SEC16B: variants seen among roughly 807,000 people sequenced by gnomAD.
SEC16B encodes protein transport protein Sec16B.
In SEC16B, 115 loss-of-function variants were observed where a neutral mutation model predicts 141.8. The ratio of observed to expected loss-of-function variants is 0.81; its 90% CI spans 0.70 to 0.95. The LOEUF is 0.95. Ranked by LOEUF, SEC16B falls within the 40% of genes least tolerant of loss-of-function variation. The probability of loss-of-function intolerance (pLI) is 0.00; values close to 1 mark genes in which losing one functional copy is unlikely to be tolerated. For synonymous variants in SEC16B, 493 were observed against 492.5 expected (o/e 1.00, Z -0.01); for missense variants, 1,291 against 1,312.3 (o/e 0.98, Z 0.25).
At chr1:177,959,677 A>C (rs1354721079) in intron 8 of SEC16B, 1 of 154,504 alleles carries the variant, frequency 6.5e-6, no homozygotes, top group Non-Finnish European at 1.4e-5. Flanking sequence ...AGCCTCGGGT[A>C]GGGAGAGCAG....
At chr1:177,969,352 G>C (rs963102319) in intron 1 of SEC16B, among the ~76,000 whole-genome samples, 1 of 152,100 alleles carries the variant, frequency 6.6e-6, no homozygotes, top group African/African-American at 2.4e-5. Flanking sequence ...CCACCTCAAG[G>C]TCACTCACAA....
intron 12 of SEC16B, among the ~76,000 whole-genome samples, chr1:177,949,991 A>C (rs1652044636): frequency 6.6e-6 from 1 of 151,998 alleles, no homozygotes; most frequent in Non-Finnish European, 1.5e-5. Context: ...CATTTCCTGC[A>C]TTTAGTACTT....
At position 177,967,942 on chromosome 1, in the gene SEC16B, C is replaced by T. The variant is rs770140333; in HGVS notation, c.40G>A (p.Gly14Arg). ...WAPQRLPQTR[G>R]KATAPSKDPD... is the part of the protein sequence containing the mutation. ...TCCTTTGAGGGTGCTGTGGCCTTCC[C>T]TCGTGTCTGGGGCAGCCTCTGGGGA... The change falls in exon 2 of 26, where the codon GGG becomes AGG. Residue 14 changes from glycine (G) to arginine (R), a missense_variant. Gly to Arg is a moderately radical substitution (Grantham distance 125). Coordinates refer to ENST00000308284, the MANE Select transcript of SEC16B (RefSeq NM_033127.4). 6.2e-6 allele frequency: 10 copies of T among 1,613,050 alleles called. No homozygotes were observed. In the South Asian group the frequency reaches 9.9e-5, roughly 16 times the overall value.
chr1:177,933,318 A>C lies in SEC16B; in HGVS notation c.2725-6T>G, dbSNP rs1262893850. 6.3e-7 allele frequency: 1 copy of C among 1,593,256 alleles called. No homozygotes were observed. The highest frequency in any genetic ancestry group is 1.3e-5 in the African/African-American group (1 of 74,428). On this transcript the variant is annotated splice_polypyrimidine_tract_variant and splice_region_variant and intron_variant, in intron 21 of 25. Coordinates refer to ENST00000308284, the MANE Select transcript of SEC16B (RefSeq NM_033127.4). ...AACCAGCCAAACCCTGAGCTCTGGA[A>C]GGGGAAGAGGACATTTTATGACCTG...
Position 177,977,600 on chromosome 1 carries a change from C to A in SEC16B, c.-59+6606G>T, listed in dbSNP as rs184469661. Among the ~76,000 whole-genome samples, 214 of 152,292 alleles carry A rather than the reference C, an allele frequency of 1.4e-3. 2 individuals are homozygous for A. Among genetic ancestry groups the A allele is most frequent in the African/African-American group, 4.9e-3 (202 of 41,560 alleles). On this transcript the variant is annotated intron_variant and NMD_transcript_variant, in intron 1 of 24. Coordinates refer to the SEC16B transcript ENST00000528461. ...AGATGTTACTTCCTGATGCATGATACACACAGTCACATGGGACTCGGACTC... is the reference window on the plus strand; with the variant it reads ...AGATGTTACTTCCTGATGCATGATAAACACAGTCACATGGGACTCGGACTC...
chr1:177,979,351 C>T lies in SEC16B; in HGVS notation c.-59+4855G>A, dbSNP rs1354547471. On this transcript the variant is annotated intron_variant and NMD_transcript_variant, in intron 1 of 24. Coordinates refer to the SEC16B transcript ENST00000528461. ...AGTTCTCCTTGTATAAAGGTTCATACTATTTTGCAGGTTCTACTGTTCTGC... is the reference window on the plus strand; with the variant it reads ...AGTTCTCCTTGTATAAAGGTTCATATTATTTTGCAGGTTCTACTGTTCTGC... 2.6e-5 allele frequency among the ~76,000 whole-genome samples: 4 copies of T among 152,184 alleles called. No homozygotes were observed. In the South Asian group the frequency reaches 6.2e-4, roughly 24 times the overall value.
chr1:177,947,472 G>A (rs1469530499), intron 13 of SEC16B, among the ~76,000 whole-genome samples: 1 of 152,026 alleles, frequency 6.6e-6, no homozygotes, highest in African/African-American at 2.4e-5. Context: ...GCTGAGAGGA[G>A]ACTCCTACAG....
chr1:177,960,691 G>A, intron 7 of SEC16B, 100 bp downstream of exon 7: 11 of 1,318,990 alleles, frequency 8.3e-6, no homozygotes, highest in Non-Finnish European at 1.1e-5. Context: ...TCCCATTCCT[G>A]GAGATGCCCC....
intron 1 of SEC16B, among the ~76,000 whole-genome samples, chr1:177,979,038 TCA>T (rs952686717): frequency 6.6e-6 from 1 of 152,112 alleles, no homozygotes; most frequent in Non-Finnish European, 1.5e-5. Context: ...TTTACCAAAT[TCA>T]CAGAGTGTGT....
At chr1:177,956,505 G>T (rs1446146465) in intron 10 of SEC16B, among the ~76,000 whole-genome samples, 1 of 152,062 alleles carries the variant, frequency 6.6e-6, no homozygotes, top group Non-Finnish European at 1.5e-5. Flanking sequence ...GAGGAAAACT[G>T]GGTGACTAGG....
chr1:177,935,545 G>T (rs12029001), intron 20 of SEC16B, among the ~76,000 whole-genome samples: 12,268 of 151,016 alleles, frequency 0.081, 726 homozygotes, highest in East Asian at 0.28. Flanking sequence ...TGTATATATA[G>T]AAAAATAGTA....
chr1:177,942,065 C>T, intron 15 of SEC16B, 25 bp from the exon 16 acceptor site: 2 of 1,598,858 alleles, frequency 1.3e-6, no homozygotes, highest in South Asian at 1.1e-5. Context: ...GAGTCAGTGA[C>T]TAGTCCATCC....
chr1:177,949,554 A>G (rs143871732), intron 12 of SEC16B, among the ~76,000 whole-genome samples: 2,748 of 152,168 alleles, frequency 0.018, 50 homozygotes, highest in South Asian at 0.05. Flanking sequence ...GAAAGCACCA[A>G]CATTTATTAA....
rs1297550965 is a variant in SEC16B, at chr1:177,958,964, T to C, written c.1010A>G (p.His337Arg). 8.7e-6 allele frequency: 14 copies of C among 1,613,070 alleles called. No homozygotes were observed. Among genetic ancestry groups the C allele is most frequent in the South Asian group, 4.4e-5 (4 of 90,878 alleles). Residue 337 changes from histidine to arginine, a missense_variant, in exon 9 of 26, where the codon CAT becomes CGT. Physicochemically the swap from His to Arg is conservative, Grantham distance 29. Coordinates refer to ENST00000308284, the MANE Select transcript of SEC16B (RefSeq NM_033127.4). ...FSGPLIREDV[H>R]KVDIMTFCQQ... Reference sequence around the variant, plus strand: ...GCAAAACGTCATAATATCCACCTTATGTACATCTTCCCTACATGGAAAAAA... The same window carrying C: ...GCAAAACGTCATAATATCCACCTTACGTACATCTTCCCTACATGGAAAAAA...
chr1:177,937,573 T>A (rs1351561212), intron 18 of SEC16B, 60 bp from the exon 19 acceptor site: 7 of 1,356,754 alleles, frequency 5.2e-6, no homozygotes, highest in Non-Finnish European at 6.9e-6. Context: ...TGCATACTGA[T>A]CACACCAGAA....
chr1:177,932,872 T>G, intron 22 of SEC16B, 66 bp from the exon 23 acceptor site: 14 of 1,450,362 alleles, frequency 9.7e-6, no homozygotes, highest in Non-Finnish European at 1.3e-5. Flanking sequence ...TGCCCGCCAA[T>G]TTGTGTTCCC....
intron 25 of SEC16B, 103 bp from the exon 26 acceptor site, chr1:177,930,032 G>T: frequency 9.0e-7 from 1 of 1,115,468 alleles, no homozygotes; most frequent in Non-Finnish European, 1.3e-6. Context: ...CCTCTGTGTA[G>T]AACATTTCCC....
intron 13 of SEC16B, among the ~76,000 whole-genome samples, chr1:177,946,828 C>T (rs73045009): frequency 1.3e-3 from 198 of 152,272 alleles, no homozygotes; most frequent in African/African-American, 4.5e-3. Context: ...TTAGTCTTTC[C>T]TCAGGGTGAA....
rs7522194 is a variant in SEC16B, at chr1:177,936,334, C to A, written c.2535G>T (p.Gln845His). ...AAATGACCTCTTGGCCATCAGGAGG[C>A]TGGGAAGTTTCTTGAGACACTGTGT... Reference protein sequence around the residue: ...GENTVSQETSQPPDGQEVISK... With the variant: ...GENTVSQETSHPPDGQEVISK... Residue 845 changes from glutamine to histidine, a missense_variant, in exon 20 of 26, where the codon CAG becomes CAT. Gln to His is a conservative substitution (Grantham distance 24). This residue lies in a region of SEC16B where 605 missense variants were observed against 614.1 expected (regional missense o/e 0.99). Transcript: ENST00000308284. 0.24 allele frequency: 378,896 copies of A among 1,608,002 alleles called. 45,617 individuals are homozygous for A. Among genetic ancestry groups the A allele is most frequent in the Middle Eastern group, 0.26 (1,582 of 6,048 alleles).
Sources: allele counts gnomAD v4.1 joint callset (sites outside exome capture counted in the v4.1 genomes callset), GRCh38; gene constraint gnomAD v4.1.1; regional missense constraint gnomAD v4.1.1; transcripts MANE v1.5; gene names NCBI Gene and HGNC (gene_info 2026-07-23, HGNC 2026-07-21).